Variants in TBK1 observed in about 807,000 individuals in gnomAD.
TBK1 encodes serine/threonine-protein kinase TBK1.
In TBK1, 37 loss-of-function variants were observed where a neutral mutation model predicts 99.9. The ratio of observed to expected loss-of-function variants is 0.37; its 90% CI spans 0.28 to 0.49. The LOEUF (loss-of-function observed/expected upper bound fraction) is 0.49. Ranked by LOEUF, TBK1 falls within the 20% of genes least tolerant of loss-of-function variation. The probability of loss-of-function intolerance (pLI) is 0.98; values close to 1 mark genes in which losing one functional copy is unlikely to be tolerated. For synonymous variants in TBK1, 258 were observed against 279.8 expected (o/e 0.92, Z 0.78); for missense variants, 644 against 872.5 (o/e 0.74, Z 3.30).
chr12:64,489,069 T>C (rs1362627579), intron 12 of TBK1, among the ~76,000 whole-genome samples: 1 of 152,180 alleles, frequency 6.6e-6, no homozygotes, highest in South Asian at 2.1e-4. Flanking sequence ...CCAGTTTTCT[T>C]GGTAAGAAGT....
intron 3 of TBK1, among the ~76,000 whole-genome samples, chr12:64,461,373 A>G (rs1450760866): frequency 6.6e-6 from 1 of 152,160 alleles, no homozygotes; most frequent in Non-Finnish European, 1.5e-5. Context: ...TGGAAATAGA[A>G]ATTATTTTAA....
chr12:64,452,353 C>G (rs900161231), intron 1 of TBK1, 166 bp downstream of exon 1: 1 of 152,456 alleles, frequency 6.6e-6, no homozygotes, highest in African/African-American at 2.4e-5. Context: ...CGACCCGAGG[C>G]CAAGCCATCC....
At chr12:64,460,832 CAAAAAAA>C (rs1221718352) in intron 3 of TBK1, among the ~76,000 whole-genome samples, 3 of 45,460 alleles carry the variant, frequency 6.6e-5, no homozygotes, top group South Asian at 7.2e-4. Context: ...GACTCCATCT[CAAAAAAA>C]AAAAAAAAAA....
chr12:64,461,908 G>A (rs569740729), intron 3 of TBK1, among the ~76,000 whole-genome samples: 48 of 152,330 alleles, frequency 3.2e-4, no homozygotes, highest in Non-Finnish European at 4.1e-4. Flanking sequence ...ATGTGGGAGG[G>A]TTCCAATCTT....
At chr12:64,484,075 G>T in intron 8 of TBK1, 1 of 341,076 alleles carries the variant, frequency 2.9e-6, no homozygotes, top group Admixed American at 4.5e-5. Context: ...TAAGAATCCT[G>T]TATATTACAC....
At chr12:64,468,845 T>A (rs994062364) in intron 5 of TBK1, among the ~76,000 whole-genome samples, 37 of 152,176 alleles carry the variant, frequency 2.4e-4, no homozygotes, top group African/African-American at 8.9e-4. Flanking sequence ...TTCTGACTGC[T>A]GTTCTGTGCC....
At chr12:64,458,454 G>A (rs1187776386) in intron 2 of TBK1, among the ~76,000 whole-genome samples, 1 of 150,958 alleles carries the variant, frequency 6.6e-6, no homozygotes, top group African/African-American at 2.4e-5. Context: ...TGATTACCAT[G>A]GTGAAGTTTA....
intron 3 of TBK1, among the ~76,000 whole-genome samples, chr12:64,462,664 A>G (rs181117343): frequency 6.6e-6 from 1 of 152,134 alleles, no homozygotes; most frequent in Non-Finnish European, 1.5e-5. Flanking sequence ...ATATTTTATA[A>G]AAGTGTTTTG....
intron 20 of TBK1, among the ~76,000 whole-genome samples, chr12:64,500,753 C>CTTTTTTTT (rs1009756107): frequency 1.0e-5 from 1 of 98,966 alleles, no homozygotes. Context: ...AACTCGGTAT[C>CTTTTTTTT]TTTTTTTTTT....
Position 64,497,255 on chromosome 12 carries a change from A to G in TBK1, c.1955A>G (p.Asn652Ser), listed in dbSNP as rs1462758934. ...GTATCAAAATATCAAGAATATACTA[A>G]TGAGGTAGGTACAGCTGTCAAGGAA... ...EEVSKYQEYTNELQETLPQKM... is the reference protein window; with the variant it reads ...EEVSKYQEYTSELQETLPQKM... Residue 652 changes from asparagine (N) to serine (S), a missense_variant, in exon 18 of 21, where the codon AAT becomes AGT. This residue lies in a region of TBK1 where 465 missense variants were observed against 588.0 expected (regional missense o/e 0.79). Coordinates refer to ENST00000331710, the MANE Select transcript of TBK1 (RefSeq NM_013254.4). 1 of 1,573,280 alleles carries G rather than the reference A, an allele frequency of 6.4e-7. No individual in the cohort carries two copies. Among genetic ancestry groups the G allele is most frequent in the Non-Finnish European group, 8.6e-7 (1 of 1,156,292 alleles).
chr12:64,473,495 G>T (rs773460640), intron 5 of TBK1, among the ~76,000 whole-genome samples: 1 of 152,224 alleles, frequency 6.6e-6, no homozygotes, highest in Non-Finnish European at 1.5e-5. Context: ...AAACATTGCT[G>T]CATTAAATAA....
intron 5 of TBK1, among the ~76,000 whole-genome samples, chr12:64,468,354 G>C (rs954879533): frequency 6.6e-6 from 1 of 152,082 alleles, no homozygotes; most frequent in Non-Finnish European, 1.5e-5. Flanking sequence ...TTAGCTGGGT[G>C]TGGTGGCGTG....
rs2040943969 is a variant in TBK1, at chr12:64,497,658, C to G, written c.1970C>G (p.Thr657Ser). 2.2e-6 allele frequency: 3 copies of G among 1,354,252 alleles called. No homozygotes were observed. The African/African-American group carries it at 4.7e-5, about 21-fold the overall frequency. 83.9% of individuals were successfully genotyped at this position (1,354,252 alleles called of 1,614,324 possible). A position where few individuals can be genotyped will look rare whatever the true frequency, so the allele number is the denominator to read the frequency against. The change falls in exon 19 of 21, where the codon ACT becomes AGT. Residue 657 changes from threonine to serine, a missense_variant. Coordinates refer to ENST00000331710, the MANE Select transcript of TBK1 (RefSeq NM_013254.4). ...YQEYTNELQE[T>S]LPQKMFTASS... ...TTTTTGATGTTTCAGTTACAAGAAA[C>G]TCTGCCTCAGAAAATGTTTACAGCT... is the stretch of plus-strand genomic sequence containing the variant.
At chr12:64,479,908 A>T in intron 6 of TBK1, 104 bp from the exon 7 acceptor site, 1 of 656,308 alleles carries the variant, frequency 1.5e-6, no homozygotes, top group Non-Finnish European at 2.6e-6. Flanking sequence ...AGTTTCATCT[A>T]GTAGATAATT....
chr12:64,495,107 A>G (rs778622095), intron 13 of TBK1, among the ~76,000 whole-genome samples: 1 of 152,234 alleles, frequency 6.6e-6, no homozygotes, highest in African/African-American at 2.4e-5. Flanking sequence ...TGCTGCCTAC[A>G]CAGTTGATAT....
chr12:64,455,709 T>C (rs1032746450), intron 1 of TBK1, 131 bp from the exon 2 acceptor site: 17 of 576,888 alleles, frequency 2.9e-5, no homozygotes, highest in Non-Finnish European at 5.2e-5. Flanking sequence ...ATATTTATAT[T>C]GAACTGTTTA....
chr12:64,478,627 TTAAG>T (rs1197488990), intron 6 of TBK1, among the ~76,000 whole-genome samples: 1 of 152,162 alleles, frequency 6.6e-6, no homozygotes, highest in Non-Finnish European at 1.5e-5. Context: ...ACTTGGGTAT[TTAAG>T]TGTTTTCCAG....
chr12:64,477,846 AATT>A (rs2040730147), intron 6 of TBK1, among the ~76,000 whole-genome samples: 1 of 152,112 alleles, frequency 6.6e-6, no homozygotes, highest in African/African-American at 2.4e-5. Flanking sequence ...GTATTGCCAT[AATT>A]ATTATGAAAT....
At position 64,497,241 on chromosome 12, in the gene TBK1, T is replaced by C; in HGVS notation, c.1941T>C (p.Tyr647=). Reference sequence around the variant, plus strand: ...ATATTGAAGAAGAAGTATCAAAATATCAAGAATATACTAATGAGGTAGGTA... The same window carrying C: ...ATATTGAAGAAGAAGTATCAAAATACCAAGAATATACTAATGAGGTAGGTA... The part of the protein sequence containing the change: ...CFDIEEEVSK[Y]QEYTNELQET... The change falls in exon 18 of 21, where the codon TAT becomes TAC. Residue 647 remains tyrosine, a synonymous_variant. Transcript: ENST00000331710. 5 of 1,591,860 alleles carry C rather than the reference T, an allele frequency of 3.1e-6. No homozygotes were observed. Among genetic ancestry groups the C allele is most frequent in the Non-Finnish European group, 4.3e-6 (5 of 1,166,502 alleles).
Sources: allele counts gnomAD v4.1 joint callset (sites outside exome capture counted in the v4.1 genomes callset), GRCh38; gene constraint gnomAD v4.1.1; regional missense constraint gnomAD v4.1.1; transcripts MANE v1.5; gene names NCBI Gene and HGNC (gene_info 2026-07-23, HGNC 2026-07-21).